The following SF3A3 variants were observed in gnomAD, a reference collection of about 807,000 sequenced individuals.
SF3A3 encodes splicing factor 3a subunit 3, also known as SAP 61.
In SF3A3, 9 loss-of-function variants were observed where a neutral mutation model predicts 85.8. The observed-to-expected ratio is 0.10, with a 90% confidence interval of 0.06 to 0.18. SF3A3 has a LOEUF of 0.18. Ranked by LOEUF, SF3A3 falls within the 10% of genes least tolerant of loss-of-function variation. The pLI is 1.00. For missense variants in SF3A3, 306 were observed against 593.3 expected (o/e 0.52, Z 5.03); for synonymous variants, 195 against 204.4 (o/e 0.95, Z 0.39).
At chr1:37,968,240 C>T in intron 14 of SF3A3, 106 bp from the exon 15 acceptor site, 1 of 727,748 alleles carries the variant, frequency 1.4e-6, no homozygotes, top group Non-Finnish European at 2.5e-6. Flanking sequence ...TTGCAAGACT[C>T]CACCTAAAGG....
chr1:37,969,264 A>T, intron 14 of SF3A3, 90 bp downstream of exon 14: 2 of 891,478 alleles, frequency 2.2e-6, no homozygotes, highest in Non-Finnish European at 1.9e-6. Context: ...TCTGGACACC[A>T]GTGGTCCACA....
Position 37,987,811 on chromosome 1 carries a change from A to T in SF3A3, c.170T>A (p.Leu57Gln). The T allele has an allele frequency of 6.2e-7, 1 of 1,613,498 alleles. No homozygotes were observed. Among genetic ancestry groups the T allele is most frequent in the Non-Finnish European group, 8.5e-7 (1 of 1,179,504 alleles). The change falls in exon 3 of 17, where the codon CTG becomes CAG. Residue 57 changes from leucine to glutamine, a missense_variant. This residue lies in a region of SF3A3 where 152 missense variants were observed against 192.0 expected (regional missense o/e 0.79). Transcript: ENST00000373019. ...ATCCTTATCATCATACAAATCCCTC[A>T]GGTTCCCACTGACCTCCATATACCT... The part of the protein sequence containing the change: ...QDRYMEVSGN[L>Q]RDLYDDKDGL...
intron 2 of SF3A3, among the ~76,000 whole-genome samples, chr1:37,988,363 G>A (rs1454676817): frequency 6.6e-6 from 1 of 152,180 alleles, no homozygotes; most frequent in Non-Finnish European, 1.5e-5. Context: ...AATTTGGAAT[G>A]TTTAAGTTCA....
intron 4 of SF3A3, among the ~76,000 whole-genome samples, chr1:37,985,425 A>G (rs943763786): frequency 2.6e-5 from 4 of 151,262 alleles, no homozygotes; most frequent in African/African-American, 9.7e-5. Context: ...TTTTTTTTAA[A>G]TCCTGATGCA....
At chr1:37,963,557 T>C (rs1187453899) in intron 15 of SF3A3, among the ~76,000 whole-genome samples, 2 of 151,672 alleles carry the variant, frequency 1.3e-5, no homozygotes, top group Non-Finnish European at 2.9e-5. Context: ...CTGCCAATGA[T>C]AATTCTTTTT....
chr1:37,988,418 G>A (rs1044848527), intron 2 of SF3A3, among the ~76,000 whole-genome samples: 2 of 151,986 alleles, frequency 1.3e-5, no homozygotes, highest in African/African-American at 4.8e-5. Context: ...GGAATCTGGA[G>A]CACACAGTTC....
chr1:37,959,584 A>G (rs920132055), intron 16 of SF3A3, among the ~76,000 whole-genome samples: 3 of 150,330 alleles, frequency 2.0e-5, no homozygotes, highest in Admixed American at 1.3e-4. Flanking sequence ...AATTATTATT[A>G]TTATTATTTT....
intron 2 of SF3A3, among the ~76,000 whole-genome samples, 169 bp downstream of exon 2, chr1:37,989,379 A>C (rs1392018563): frequency 1.3e-5 from 2 of 152,088 alleles, no homozygotes; most frequent in Non-Finnish European, 2.9e-5. Context: ...AGAACTGAGG[A>C]AGCACCCTCA....
At position 37,969,390 on chromosome 1, in the gene SF3A3, G is replaced by T. The variant is rs760892460; in HGVS notation, c.1245C>A (p.Thr415=). 2 of 1,612,418 alleles carry T rather than the reference G, an allele frequency of 1.2e-6. No homozygotes were observed. Among genetic ancestry groups the T allele is most frequent in the East Asian group, 4.5e-5 (2 of 44,884 alleles). The change falls in exon 14 of 17, where the codon ACC becomes ACA. Residue 415 remains threonine (T), a synonymous_variant. Transcript: ENST00000373019. ...NYNCEICGNY[T]YRGPKAFQRH... Reference sequence around the variant, plus strand: ...GCTGGAAGGCTTTGGGCCCTCGGTAGGTGTAGTTTCCACAAATCTCACAGT... The same window carrying T: ...GCTGGAAGGCTTTGGGCCCTCGGTATGTGTAGTTTCCACAAATCTCACAGT...
At chr1:37,960,453 T>C (rs977550266) in intron 15 of SF3A3, 4 of 412,196 alleles carry the variant, frequency 9.7e-6, no homozygotes, top group Admixed American at 7.4e-5. Context: ...AGGAGGTTAA[T>C]GTGGAACAAC....
chr1:37,979,649 A>T (rs1197928324), intron 8 of SF3A3, 116 bp from the exon 9 acceptor site: 1 of 641,470 alleles, frequency 1.6e-6, no homozygotes, highest in African/African-American at 1.8e-5. Flanking sequence ...TGAGTTCAGG[A>T]GTTAGAGACC....
intron 6 of SF3A3, 109 bp from the exon 7 acceptor site, chr1:37,981,920 G>GT (rs1353885851): frequency 5.7e-5 from 39 of 679,226 alleles, no homozygotes; most frequent in Non-Finnish European, 8.4e-5. Flanking sequence ...TTCTAAAGAA[G>GT]TAACAAGGGC....
chr1:37,971,706 G>A (rs968580359), intron 12 of SF3A3, among the ~76,000 whole-genome samples: 3 of 152,056 alleles, frequency 2.0e-5, no homozygotes, highest in South Asian at 2.1e-4. Flanking sequence ...TTCAACATAC[G>A]CAAATCAATA....
At chr1:37,962,450 A>G (rs1285285409) in intron 15 of SF3A3, among the ~76,000 whole-genome samples, 1 of 151,616 alleles carries the variant, frequency 6.6e-6, no homozygotes. Flanking sequence ...ATAAAAATGC[A>G]AAATTAACTG....
At chr1:37,962,941 A>C (rs1646272331) in intron 15 of SF3A3, among the ~76,000 whole-genome samples, 1 of 151,930 alleles carries the variant, frequency 6.6e-6, no homozygotes, top group African/African-American at 2.4e-5. Context: ...ACAAAAAATT[A>C]GCTGGGCATG....
intron 15 of SF3A3, among the ~76,000 whole-genome samples, chr1:37,961,660 G>A: frequency 7.4e-6 from 1 of 135,622 alleles, no homozygotes; most frequent in East Asian, 2.4e-4. Context: ...GAGAAGTTAT[G>A]TGCTTACTAT....
At chr1:37,965,620 G>A (rs1646294443) in intron 15 of SF3A3, among the ~76,000 whole-genome samples, 1 of 151,970 alleles carries the variant, frequency 6.6e-6, no homozygotes, top group African/African-American at 2.4e-5. Context: ...CAGGCATGGT[G>A]GCACAAGCCT....
chr1:37,960,238 A>C, intron 15 of SF3A3, 63 bp from the exon 16 acceptor site: 1 of 1,447,204 alleles, frequency 6.9e-7, no homozygotes, highest in Non-Finnish European at 9.7e-7. Context: ...ATCCAGTGTT[A>C]TAATCCTCTC....
chr1:37,982,916 G>A (rs1646429730), intron 6 of SF3A3, among the ~76,000 whole-genome samples: 1 of 151,590 alleles, frequency 6.6e-6, no homozygotes, highest in Admixed American at 6.6e-5. Context: ...ACAATACAGT[G>A]AAACCCTATT....
Sources: allele counts gnomAD v4.1 joint callset (sites outside exome capture counted in the v4.1 genomes callset), GRCh38; gene constraint gnomAD v4.1.1; regional missense constraint gnomAD v4.1.1; transcripts MANE v1.5; gene names NCBI Gene and HGNC (gene_info 2026-07-23, HGNC 2026-07-21).